The following BCLAF1 variants were observed in gnomAD, a reference collection of about 807,000 sequenced individuals.
The protein encoded by BCLAF1 is BCL2 associated transcription factor 1.
Under a neutral mutation model 99.5 loss-of-function variants are expected in BCLAF1, and 10 were observed. The observed-to-expected ratio is 0.10, with a 90% CI of 0.06 to 0.17. The LOEUF (loss-of-function observed/expected upper bound fraction) is 0.17. Ranked by LOEUF, BCLAF1 falls within the 10% of genes least tolerant of loss-of-function variation. The probability of loss-of-function intolerance (pLI) is 1.00; values close to 1 mark genes in which losing one functional copy is unlikely to be tolerated. For missense variants in BCLAF1, 636 were observed against 1,105.8 expected (o/e 0.58, Z 6.02); for synonymous variants, 255 against 370.9 (o/e 0.69, Z 3.59).
intron 8 of BCLAF1, chr6:136,269,878 A>G (rs1782270248): frequency 3.6e-6 from 1 of 279,776 alleles, no homozygotes; most frequent in Non-Finnish European, 6.5e-6. Context: ...GTTTTTATCC[A>G]AAACAATCTA....
intron 11 of BCLAF1, among the ~76,000 whole-genome samples, chr6:136,261,776 T>C (rs1781040339): frequency 6.6e-6 from 1 of 152,160 alleles, no homozygotes. Flanking sequence ...GAGTTTTGTT[T>C]TTTTATTATG....
At chr6:136,285,538 A>C (rs773494769) in intron 1 of BCLAF1, among the ~76,000 whole-genome samples, 1 of 152,222 alleles carries the variant, frequency 6.6e-6, no homozygotes, top group Non-Finnish European at 1.5e-5. Flanking sequence ...CAAAACCCAA[A>C]TACAAAACTG....
intron 6 of BCLAF1, 119 bp downstream of exon 6, chr6:136,275,410 TTAA>T: frequency 1.0e-6 from 1 of 974,900 alleles, no homozygotes; most frequent in Non-Finnish European, 1.4e-6. Context: ...TTTCCAAGTT[TTAA>T]TAATATTGGA....
intron 8 of BCLAF1, among the ~76,000 whole-genome samples, chr6:136,271,054 A>G (rs1208466329): frequency 6.6e-6 from 1 of 151,806 alleles, no homozygotes; most frequent in Non-Finnish European, 1.5e-5. Context: ...AGCATGCCCT[A>G]TTAAACTTGT....
chr6:136,260,075 T>C lies in BCLAF1; in HGVS notation c.*1035A>G, dbSNP rs1207900889. 1.3e-5 allele frequency: 2 copies of C among 152,050 alleles called. No individual in the cohort carries two copies. Among genetic ancestry groups the C allele is most frequent in the Non-Finnish European group, 2.9e-5 (2 of 67,916 alleles). The allele number at this position is 152,050 out of a possible 1,614,324, so 9.4% of individuals were successfully genotyped here. A position where few individuals can be genotyped will look rare whatever the true frequency, so the allele number is the denominator to read the frequency against. ...CTGCCAAAACTTTTATTGGTGACAT[T>C]TGAAAAACAATTTTTTTAAAATACT... On this transcript the variant is annotated 3_prime_UTR_variant, in exon 13 of 13. Transcript: ENST00000531224.
chr6:136,281,249 T>C (rs1313633699), intron 2 of BCLAF1, among the ~76,000 whole-genome samples: 2 of 152,092 alleles, frequency 1.3e-5, no homozygotes, highest in Non-Finnish European at 2.9e-5. Context: ...AAACAAAACA[T>C]AGGTTCAGGG....
At position 136,273,224 on chromosome 6, in the gene BCLAF1, C is replaced by T. The variant is rs757546873; in HGVS notation, c.1853-37G>A. On this transcript the variant is annotated intron_variant, in intron 6 of 12. Transcript: ENST00000531224. Reference sequence around the variant, plus strand: ...GAAGAAATACTGTCCGATTAGTTAACTTTACTTTAAGAGAGATTTGTTTGT... The same window carrying T: ...GAAGAAATACTGTCCGATTAGTTAATTTTACTTTAAGAGAGATTTGTTTGT... 6 of 1,563,006 alleles carry T rather than the reference C, an allele frequency of 3.8e-6. No individual in the cohort carries two copies. The African/African-American group carries it at 8.2e-5, about 21-fold the overall frequency.
Position 136,268,285 on chromosome 6 carries a change from A to C in BCLAF1, c.2274T>G (p.Pro758=), listed in dbSNP as rs769096933. 2.5e-6 allele frequency: 4 copies of C among 1,606,350 alleles called. No homozygotes were observed. The East Asian group carries it at 8.9e-5, about 36-fold the overall frequency. Reference sequence around the variant, plus strand: ...TTTCTTCTCGAGAACTGGGAGAAGAAGGTGATGCTGAAGAGGATGAAGATC... The same window carrying C: ...TTTCTTCTCGAGAACTGGGAGAAGACGGTGATGCTGAAGAGGATGAAGATC... ...HSRSSSSSAS[P]SSPSSREEKE... The change falls in exon 10 of 13, where the codon CCT becomes CCG. Residue 758 remains proline, a synonymous_variant. Transcript: ENST00000531224.
At position 136,279,785 on chromosome 6, in the gene BCLAF1, G is replaced by A. The variant is rs1320038260; in HGVS notation, c.82C>T (p.His28Tyr). ...CACCTGTATCGCTTCTTTCTAGAATGAGATCTTGATCTTGATCGAGAACTA... is the reference window on the plus strand; with the variant it reads ...CACCTGTATCGCTTCTTTCTAGAATAAGATCTTGATCTTGATCGAGAACTA... ...QSSSRSRSRS[H>Y]SRKKRYSSRS... The change falls in exon 3 of 13, where the codon CAT (histidine) becomes TAT (tyrosine). Residue 28 changes from histidine to tyrosine, a missense_variant. Transcript: ENST00000531224. The A allele has an allele frequency of 6.4e-7, 1 of 1,572,404 alleles. No homozygotes were observed. Among genetic ancestry groups the A allele is most frequent in the East Asian group, 2.3e-5 (1 of 44,012 alleles).
Position 136,273,224 on chromosome 6 carries a change from CT to C in BCLAF1, c.1853-38del. The C allele has an allele frequency of 1.9e-6, 3 of 1,563,124 alleles. 1 individual carries two copies. In the Middle Eastern group the frequency reaches 5.1e-4, roughly 265 times the overall value. On this transcript the variant is annotated intron_variant, in intron 6 of 12. Coordinates refer to ENST00000531224, the MANE Select transcript of BCLAF1 (RefSeq NM_014739.3). ...GAAGAAATACTGTCCGATTAGTTAA[CT>C]TTACTTTAAGAGAGATTTGTTTGTG...
chr6:136,278,294 G>A lies in BCLAF1; in HGVS notation c.587C>T (p.Ser196Phe), dbSNP rs1195195343. ...EPKDTFEHDPSESIDEFNKSS... is the reference protein window; with the variant it reads ...EPKDTFEHDPFESIDEFNKSS... ...CTTATTAAATTCATCGATAGACTCAGATGGGTCATGTTCAAATGTATCTTT... is the reference window on the plus strand; with the variant it reads ...CTTATTAAATTCATCGATAGACTCAAATGGGTCATGTTCAAATGTATCTTT... Residue 196 changes from serine (S) to phenylalanine (F), a missense_variant, in exon 4 of 13, where the codon TCT becomes TTT. Around this residue, in one of 9 missense-constraint regions of BCLAF1, gnomAD observed 65 missense variants for 90.9 expected, o/e 0.71. Coordinates refer to ENST00000531224, the MANE Select transcript of BCLAF1 (RefSeq NM_014739.3). 1 of 1,614,164 alleles carries A rather than the reference G, an allele frequency of 6.2e-7. No homozygotes were observed. Among genetic ancestry groups the A allele is most frequent in the Non-Finnish European group, 8.5e-7 (1 of 1,180,006 alleles).
rs75145909 is a variant in BCLAF1 at position 136,260,529 on chromosome 6, G to T, written c.*581C>A. On this transcript the variant is annotated 3_prime_UTR_variant, in exon 13 of 13. Coordinates refer to ENST00000531224, the MANE Select transcript of BCLAF1 (RefSeq NM_014739.3). Reference sequence around the variant, plus strand: ...TAATAGCTTGTACTTTTTAGCTATTGGCAAAGCTTTTTTTTTTTAATTCCT... The same window carrying T: ...TAATAGCTTGTACTTTTTAGCTATTTGCAAAGCTTTTTTTTTTTAATTCCT... 1,337 of 152,322 alleles carry T rather than the reference G, an allele frequency of 8.8e-3. 6 individuals carry two copies. The highest frequency in any genetic ancestry group is 0.017 in the Middle Eastern group (5 of 294). The allele number at this position is 152,322 out of a possible 1,614,324, so 9.4% of individuals were successfully genotyped here.
At chr6:136,274,254 C>T in intron 6 of BCLAF1, 1 of 849,760 alleles carries the variant, frequency 1.2e-6, no homozygotes, top group East Asian at 6.3e-5. Flanking sequence ...AAGAGCTGTT[C>T]AGATCGGTTG....
In BCLAF1 at chr6:136,257,179, A is replaced by G. The variant is rs556917102; in HGVS notation, c.*3931T>C. 6.6e-6 allele frequency: 1 copy of G among 152,304 alleles called. No homozygotes were observed. Among genetic ancestry groups the G allele is most frequent in the South Asian group, 2.1e-4 (1 of 4,822 alleles). 9.4% of individuals were successfully genotyped at this position (152,304 alleles called of 1,614,324 possible). A position where few individuals can be genotyped will look rare whatever the true frequency, so the allele number is the denominator to read the frequency against. ...CTTCTGCACTTCATAAGTGCTACAA[A>G]TCAGTTCACTGTGGTAAAACACCAA... On this transcript the variant is annotated 3_prime_UTR_variant, in exon 13 of 13. Coordinates refer to ENST00000531224, the MANE Select transcript of BCLAF1 (RefSeq NM_014739.3).
At chr6:136,268,573 C>A in intron 9 of BCLAF1, 1 of 423,650 alleles carries the variant, frequency 2.4e-6, no homozygotes, top group Non-Finnish European at 4.2e-6. Flanking sequence ...AAATAGTAGT[C>A]TGTAAAGGTC....
rs78118727 is a variant in BCLAF1 at position 136,275,638 on chromosome 6, C to A, written c.1746G>T (p.Glu582Asp). 6.3e-7 allele frequency: 1 copy of A among 1,599,162 alleles called. No individual in the cohort carries two copies. Among genetic ancestry groups the A allele is most frequent in the Non-Finnish European group, 8.5e-7 (1 of 1,173,814 alleles). The change falls in exon 6 of 13, where the codon GAG (glutamate) becomes GAT (aspartate). Residue 582 changes from glutamate (E) to aspartate (D), a missense_variant. This residue lies in a region of BCLAF1 where 180 missense variants were observed against 270.0 expected (regional missense o/e 0.67). Coordinates refer to ENST00000531224, the MANE Select transcript of BCLAF1 (RefSeq NM_014739.3). ...ASTLVHSVKK[E>D]QEFRSIFDHI... ...GGTCAAAGATGGATCGGAATTCTTG[C>A]TCCTTCTTGACAGAATGGACAAGTG...
intron 1 of BCLAF1, among the ~76,000 whole-genome samples, chr6:136,284,835 G>A (rs1457860031): frequency 2.6e-5 from 4 of 152,226 alleles, no homozygotes; most frequent in Middle Eastern, 3.4e-3. Context: ...ACATTGGAGG[G>A]GGGGGAAAAG....
chr6:136,261,237 G>C (rs1312732953), intron 12 of BCLAF1, 28 bp downstream of exon 12: 1 of 1,603,272 alleles, frequency 6.2e-7, no homozygotes, highest in Non-Finnish European at 8.5e-7. Flanking sequence ...AAAAAAATCT[G>C]TCAGAATCAC....
At chr6:136,274,392 C>CA (rs1317457425) in intron 6 of BCLAF1, among the ~76,000 whole-genome samples, 6 of 148,464 alleles carry the variant, frequency 4.0e-5, no homozygotes, top group African/African-American at 1.5e-4. Context: ...GGAGCTAGGC[C>CA]AAAAAAGATT....
Sources: gnomAD v4.1 joint callset for allele counts (sites outside exome capture counted in the v4.1 genomes callset) on GRCh38, gnomAD v4.1.1 for gene constraint, gnomAD v4.1.1 regional missense constraint, MANE v1.5 for transcripts, NCBI Gene and HGNC (gene_info 2026-07-23, HGNC 2026-07-21) for gene names.